XYLB: variants seen among roughly 807,000 people sequenced by gnomAD.
The protein encoded by XYLB is xylulose kinase.
A neutral mutation model predicts 78.7 loss-of-function variants in XYLB; 62 were observed. The observed-to-expected ratio is 0.79, with a 90% CI of 0.64 to 0.97. The LOEUF (loss-of-function observed/expected upper bound fraction) is 0.97. Ranked by LOEUF, XYLB falls within the 50% of genes least tolerant of loss-of-function variation. XYLB has a pLI of 0.00. For synonymous variants in XYLB, 245 were observed against 247.4 expected, an observed-to-expected ratio of 0.99 and a Z score of 0.09; for missense variants, 687 against 676.8, an observed-to-expected ratio of 1.02 and a Z score of -0.17.
At chr3:38,373,858 A>C (rs889646848) in intron 10 of XYLB, among the ~76,000 whole-genome samples, 1 of 152,090 alleles carries the variant, frequency 6.6e-6, no homozygotes. Context: ...AGGCAGATAA[A>C]GATTGCTGTT....
At chr3:38,400,010 A>G (rs1188733960) in intron 17 of XYLB, among the ~76,000 whole-genome samples, 18 of 152,128 alleles carry the variant, frequency 1.2e-4, no homozygotes, top group Admixed American at 1.2e-3. Flanking sequence ...GGGATTTTCT[A>G]GCATTTGGTT....
rs1186283225 is a variant in XYLB at position 38,372,491 on chromosome 3, C to T, written c.766-164C>T. The T allele has an allele frequency of 2.4e-5, 24 of 985,192 alleles. No homozygotes were observed. In the East Asian group the frequency reaches 2.4e-3, roughly 98 times the overall value. 61.0% of individuals were successfully genotyped at this position (985,192 alleles called of 1,614,324 possible). ...GATTTGTGAACAGGAGGGACATGCC[C>T]AGTTTGTGACAGGAAGTGATGTGAC... On this transcript the variant is annotated intron_variant, in intron 9 of 18. Coordinates refer to ENST00000207870, the MANE Select transcript of XYLB (RefSeq NM_005108.4).
intron 18 of XYLB, among the ~76,000 whole-genome samples, chr3:38,407,352 C>G (rs1445818715): frequency 6.7e-6 from 1 of 149,718 alleles, no homozygotes; most frequent in Non-Finnish European, 1.5e-5. Flanking sequence ...TTGTCACCAC[C>G]AGGCCTGCCC....
downstream of XYLB, among the ~76,000 whole-genome samples, chr3:38,417,211 G>A (rs1029930307): frequency 1.3e-5 from 2 of 152,164 alleles, no homozygotes; most frequent in Non-Finnish European, 2.9e-5. Flanking sequence ...TGAGGCAGGT[G>A]GATCGCTTGA....
chr3:38,356,838 G>GC (rs936830372), intron 2 of XYLB: 7 of 152,134 alleles, frequency 4.6e-5, no homozygotes, highest in South Asian at 4.1e-4. Context: ...TTGAATTGTG[G>GC]CCCCCCAGAA....
At chr3:38,374,422 G>A (rs1291348881) in intron 10 of XYLB, 40 bp from the exon 11 acceptor site, 2 of 1,613,832 alleles carry the variant, frequency 1.2e-6, no homozygotes, top group Admixed American at 3.3e-5. Context: ...TGGTTCCCAT[G>A]TGGCCGCCAG....
intron 1 of XYLB, among the ~76,000 whole-genome samples, chr3:38,347,270 G>T (rs1705118086): frequency 6.6e-6 from 1 of 152,224 alleles, no homozygotes; most frequent in African/African-American, 2.4e-5. Flanking sequence ...ACCCAGTGAC[G>T]GGGATCCGAA....
At chr3:38,436,041 A>T in the XYLB span, among the ~76,000 whole-genome samples, 1 of 152,174 alleles carries the variant, frequency 6.6e-6, no homozygotes, top group Non-Finnish European at 1.5e-5. Flanking sequence ...GTAAGAACAA[A>T]CCAAACTCCA....
Position 38,376,173 on chromosome 3 carries a change from C to G in XYLB, c.1061C>G (p.Ser354Cys), listed in dbSNP as rs766645071. Residue 354 changes from serine (S) to cysteine (C), a missense_variant, in exon 13 of 19, where the codon TCC becomes TGC. Ser to Cys is a moderately radical substitution (Grantham distance 112). Transcript: ENST00000207870. ...EKIRNESVSR[S>C]WSDFSKALQS... ...ATCCGCAACGAGTCTGTATCCCGTTCCTGGAGCGATTTCTCTAAGGCACTG... is the reference window on the plus strand; with the variant it reads ...ATCCGCAACGAGTCTGTATCCCGTTGCTGGAGCGATTTCTCTAAGGCACTG... The G allele has an allele frequency of 6.2e-7, 1 of 1,614,182 alleles. No individual in the cohort carries two copies. The highest frequency in any genetic ancestry group is 8.5e-7 in the Non-Finnish European group (1 of 1,180,016).
intron 18 of XYLB, among the ~76,000 whole-genome samples, chr3:38,406,505 C>A (rs1708328563): frequency 6.6e-6 from 1 of 152,234 alleles, no homozygotes; most frequent in African/African-American, 2.4e-5. Context: ...GAACGCAGTT[C>A]CTCACCAGCA....
At chr3:38,380,080 G>A (rs188450988) in intron 15 of XYLB, among the ~76,000 whole-genome samples, 99 of 152,158 alleles carry the variant, frequency 6.5e-4, no homozygotes, top group Admixed American at 5.9e-4. Context: ...CCGTTCCCAC[G>A]ATAACCCGTT....
chr3:38,415,402 C>T (rs1708753500), downstream of XYLB, among the ~76,000 whole-genome samples: 1 of 152,122 alleles, frequency 6.6e-6, no homozygotes, highest in Non-Finnish European at 1.5e-5. Context: ...CTGGACATGA[C>T]CATTGAATAT....
chr3:38,409,766 G>A (rs1708495029), intron 18 of XYLB, among the ~76,000 whole-genome samples: 2 of 152,098 alleles, frequency 1.3e-5, no homozygotes, highest in Non-Finnish European at 2.9e-5. Flanking sequence ...CAAATCATGA[G>A]TGAACTCCCA....
intron 2 of XYLB, among the ~76,000 whole-genome samples, 196 bp downstream of exon 2, chr3:38,348,828 A>G (rs1007582694): frequency 1.6e-4 from 24 of 152,092 alleles, no homozygotes; most frequent in Admixed American, 8.5e-4. Flanking sequence ...CCATTCATCC[A>G]TTCATGAAGT....
At position 38,412,958 on chromosome 3, in the gene XYLB, A is replaced by G. The variant is rs765111643; in HGVS notation, c.1556A>G (p.Gln519Arg). The change falls in exon 19 of 19, where the codon CAG becomes CGG. Residue 519 changes from glutamine to arginine, a missense_variant. Physicochemically the swap from Gln to Arg is conservative, Grantham distance 43. Transcript: ENST00000207870. ...TAGGTCTACGAGGCCCTTCTCCCCC[A>G]GTATGCCAAACTCGAGCAGAGAATC... The part of the protein sequence containing the change: ...ASQVYEALLP[Q>R]YAKLEQRILS... 2.5e-6 allele frequency: 4 copies of G among 1,605,426 alleles called. No individual in the cohort carries two copies. In the South Asian group the frequency reaches 4.5e-5, roughly 18 times the overall value.
intron 13 of XYLB, among the ~76,000 whole-genome samples, chr3:38,376,663 A>G (rs1706872916): frequency 1.3e-5 from 2 of 152,222 alleles, no homozygotes; most frequent in South Asian, 4.1e-4. Context: ...TTGGCTGGGC[A>G]GCTGCTTCCT....
At chr3:38,418,368 G>C (rs1448253047), downstream of XYLB, among the ~76,000 whole-genome samples, 1 of 152,076 alleles carries the variant, frequency 6.6e-6, no homozygotes, top group East Asian at 1.9e-4. Flanking sequence ...ATACATTTCT[G>C]GTAGGAGTGC....
In XYLB at chr3:38,376,119, T is replaced by G; in HGVS notation, c.1007T>G (p.Phe336Cys). The G allele has an allele frequency of 1.2e-6, 2 of 1,611,584 alleles. No homozygotes were observed. The highest frequency in any genetic ancestry group is 1.7e-6 in the Non-Finnish European group (2 of 1,177,850). ...CAGAGCTATGCCCTCTTCTGCAGCTTTAAAAATGGCTCCCTCATGAGAGAG... is the reference window on the plus strand; with the variant it reads ...CAGAGCTATGCCCTCTTCTGCAGCTGTAAAAATGGCTCCCTCATGAGAGAG... ...DSQHYMALLC[F>C]KNGSLMREKI... The change falls in exon 13 of 19, where the codon TTT becomes TGT. Residue 336 changes from phenylalanine to cysteine, a missense_variant and splice_region_variant. Physicochemically the swap from Phe to Cys is radical, Grantham distance 205. Transcript: ENST00000207870.
downstream of XYLB, among the ~76,000 whole-genome samples, chr3:38,418,106 A>C (rs1001657087): frequency 2.0e-5 from 3 of 151,084 alleles, no homozygotes; most frequent in African/African-American, 7.3e-5. Context: ...GAGACAGGAG[A>C]ATCACTTGAA....
Sources: gnomAD v4.1 joint callset for allele counts (sites outside exome capture counted in the v4.1 genomes callset) on GRCh38, gnomAD v4.1.1 for gene constraint, MANE v1.5 for transcripts, NCBI Gene and HGNC (gene_info 2026-07-23, HGNC 2026-07-21) for gene names.